RNF19A: variants seen among roughly 807,000 people sequenced by gnomAD.
RNF19A encodes E3 ubiquitin-protein ligase RNF19A.
RNF19A carries 32 observed loss-of-function variants against 75.7 expected under a neutral mutation model. The ratio of observed to expected loss-of-function variants is 0.42; its 90% CI spans 0.32 to 0.57. The LOEUF is 0.57. Ranked by LOEUF, RNF19A falls within the 20% of genes least tolerant of loss-of-function variation. The pLI, the probability that RNF19A is intolerant of heterozygous loss-of-function variation, is 0.10. For synonymous variants in RNF19A, 335 were observed against 345.2 expected (o/e 0.97, Z 0.33); for missense variants, 782 against 1,036.3 (o/e 0.75, Z 3.37).
chr8:100,258,773 C>G lies in RNF19A; in HGVS notation c.2300G>C (p.Arg767Pro), dbSNP rs761340979. 1 of 1,614,044 alleles carries G rather than the reference C, an allele frequency of 6.2e-7. No homozygotes were observed. The highest frequency in any genetic ancestry group is 8.5e-7 in the Non-Finnish European group (1 of 1,180,036). The change falls in exon 10 of 10, where the codon CGT becomes CCT. Residue 767 changes from arginine to proline, a missense_variant. By Grantham distance (103) the Arg-to-Pro change is moderately radical. Transcript: ENST00000341084. This position sits in a 1 kb window ranked among gnomAD's most constrained non-coding sequence, Gnocchi z 4.3. The stretch of plus-strand genomic sequence containing the variant: ...ACACTGATGTGGGGAATTTTCCAGA[C>G]GGTCATTTTCTACCTCAGGAAGAAT... ...VNILPEVEND[R>P]LENSPHQCSI... is the part of the protein sequence containing the mutation.
chr8:100,323,495 T>G lies in RNF19A; in HGVS notation c.-242-10123A>C, dbSNP rs1274770836. Among the ~76,000 whole-genome samples, 1 of 152,230 alleles carries G rather than the reference T, an allele frequency of 6.6e-6. No homozygotes were observed. Among genetic ancestry groups the G allele is most frequent in the African/African-American group, 2.4e-5 (1 of 41,460 alleles). On this transcript the variant is annotated intron_variant, in intron 1 of 3. Transcript: ENST00000519527. The surrounding 1 kb of genome is among the most constrained non-coding windows in gnomAD (Gnocchi z 4.6). ...ACCCTTCTTTTCTGCCATCCATTCT[T>G]AGAATTGTCACATTAACTGCACGTA...
rs11996396 is a variant in RNF19A at position 100,287,127 on chromosome 8, C to T, written c.674+374G>A. ...CAAAGAGAAAAAAAATAAAGAAGGTCATTTGAATTTATGACCACAAATAAC... is the reference window on the plus strand; with the variant it reads ...CAAAGAGAAAAAAAATAAAGAAGGTTATTTGAATTTATGACCACAAATAAC... On this transcript the variant is annotated intron_variant, in intron 2 of 9. Transcript: ENST00000341084. This position sits in a 1 kb window ranked among gnomAD's most constrained non-coding sequence, Gnocchi z 4.1. Among the ~76,000 whole-genome samples, 8,882 of 152,114 alleles carry T rather than the reference C, an allele frequency of 0.058. 867 individuals carry two copies. Among genetic ancestry groups the T allele is most frequent in the African/African-American group, 0.2 (8,297 of 41,470 alleles).
At chr8:100,282,078 T>G (rs1486622407) in intron 2 of RNF19A, among the ~76,000 whole-genome samples, 1 of 152,184 alleles carries the variant, frequency 6.6e-6, no homozygotes. Context: ...GTTGGGGAAG[T>G]CTGTCCAATT....
chr8:100,278,160 A>G (rs1215198618), intron 2 of RNF19A, among the ~76,000 whole-genome samples: 1 of 152,268 alleles, frequency 6.6e-6, no homozygotes, highest in Non-Finnish European at 1.5e-5. Context: ...TAGCCTCAGT[A>G]TTCAGCCAAA....
chr8:100,258,910 T>G lies in RNF19A; in HGVS notation c.2163A>C (p.Ala721=), dbSNP rs1157733992. 6.2e-7 allele frequency: 1 copy of G among 1,614,230 alleles called. No individual in the cohort carries two copies. ...PSLSDSMPSV[A]DSHSSHFSEF... Reference sequence around the variant, plus strand: ...CAGAAAAATGACTAGAGTGAGAATCTGCTACAGAAGGCATACTGTCACTGA... The same window carrying G: ...CAGAAAAATGACTAGAGTGAGAATCGGCTACAGAAGGCATACTGTCACTGA... Residue 721 remains alanine (A), a synonymous_variant, in exon 10 of 10, where the codon GCA becomes GCC. Transcript: ENST00000341084. This position sits in a 1 kb window ranked among gnomAD's most constrained non-coding sequence, Gnocchi z 4.3.
At chr8:100,265,077 G>A (rs865943719) in intron 5 of RNF19A, among the ~76,000 whole-genome samples, 2 of 152,068 alleles carry the variant, frequency 1.3e-5, no homozygotes, top group Admixed American at 6.6e-5. Flanking sequence ...ATTATGTATC[G>A]AGCAAAGAGG....
At chr8:100,319,805 C>T (rs1347479062) in intron 1 of RNF19A, among the ~76,000 whole-genome samples, 1 of 150,714 alleles carries the variant, frequency 6.6e-6, no homozygotes, top group East Asian at 1.9e-4. Flanking sequence ...GCTGGGATTA[C>T]AGGCGTGAGC....
At chr8:100,315,649 C>CTTGTTG (rs573063443) in intron 1 of RNF19A, among the ~76,000 whole-genome samples, 4 of 151,836 alleles carry the variant, frequency 2.6e-5, no homozygotes, top group Admixed American at 6.6e-5. Context: ...TCTTCGTCGT[C>CTTGTTG]TTGTTGTTGT....
rs1822512493 is a variant in RNF19A at position 100,324,913 on chromosome 8, T to G, written c.-243+11195A>C. On this transcript the variant is annotated intron_variant, in intron 1 of 3. Transcript: ENST00000519527. This position sits in a 1 kb window ranked among gnomAD's most constrained non-coding sequence, Gnocchi z 4.2. ...TCTCTCTCTCTCTTTCTCTCTTTCT[T>G]TCTTTCTTTTCTTGATAGAGTCTCA... 6.6e-6 allele frequency among the ~76,000 whole-genome samples: 1 copy of G among 151,490 alleles called. No individual in the cohort carries two copies. Among genetic ancestry groups the G allele is most frequent in the Non-Finnish European group, 1.5e-5 (1 of 67,890 alleles).
chr8:100,296,792 CAGTT>C (rs1821585205), intron 1 of RNF19A, among the ~76,000 whole-genome samples: 1 of 149,350 alleles, frequency 6.7e-6, no homozygotes, highest in African/African-American at 2.6e-5. Flanking sequence ...ATTATAACCT[CAGTT>C]AGAAAATAAT....
rs148733973 is a variant in RNF19A, at chr8:100,289,403, A to G, written c.-93-1136T>C. On this transcript the variant is annotated intron_variant, in intron 1 of 9. Transcript: ENST00000341084. ...CAGACAGTATTAAGGGTATGGGAGG[A>G]GACTTTTGCCACATATAACTAATAA... 2.6e-5 allele frequency among the ~76,000 whole-genome samples: 4 copies of G among 152,362 alleles called. No individual in the cohort carries two copies. The East Asian group carries it at 7.7e-4, about 29-fold the overall frequency.
intron 2 of RNF19A, among the ~76,000 whole-genome samples, chr8:100,286,118 G>A (rs1821005439): frequency 6.6e-6 from 1 of 152,096 alleles, no homozygotes; most frequent in South Asian, 2.1e-4. Flanking sequence ...TGGGATCAAG[G>A]GCGATTCAAT....
chr8:100,291,989 T>TTC (rs1821319860), intron 1 of RNF19A, among the ~76,000 whole-genome samples: 1 of 127,294 alleles, frequency 7.9e-6, no homozygotes, highest in Non-Finnish European at 1.6e-5. Flanking sequence ...TTTTTTTTTT[T>TTC]CAAGTAAAGA....
chr8:100,316,813 G>A (rs1309797251), intron 1 of RNF19A, among the ~76,000 whole-genome samples: 1 of 152,218 alleles, frequency 6.6e-6, no homozygotes, highest in Non-Finnish European at 1.5e-5. Context: ...ATTGGCTGCC[G>A]TGGAGCAGGG....
At chr8:100,311,717 C>CAAAAA (rs55695585), upstream of RNF19A, among the ~76,000 whole-genome samples, 2 of 89,938 alleles carry the variant, frequency 2.2e-5, no homozygotes, top group East Asian at 2.9e-4. Flanking sequence ...GACTCCGTCT[C>CAAAAA]AAAAAAAAAA....
At chr8:100,294,468 C>G (rs902541518) in intron 1 of RNF19A, among the ~76,000 whole-genome samples, 4 of 152,162 alleles carry the variant, frequency 2.6e-5, no homozygotes, top group Admixed American at 2.6e-4. Flanking sequence ...CTCCCAAGCA[C>G]AGTTCTAGGG....
rs1192051756 is a variant in RNF19A at position 100,260,696 on chromosome 8, T to TA, written c.1683-700dup. ...TAATTCATGTATTCTCCCCTACACT[T>TA]AAAAAAAGCAAGGCTAATAAGCCTA... On this transcript the variant is annotated intron_variant, in intron 8 of 9. Transcript: ENST00000341084. The surrounding 1 kb of genome is among the most constrained non-coding windows in gnomAD (Gnocchi z 4.1). 1.3e-5 allele frequency among the ~76,000 whole-genome samples: 2 copies of TA among 152,096 alleles called. No homozygotes were observed. The highest frequency in any genetic ancestry group is 6.5e-5 in the Admixed American group (1 of 15,274).
At chr8:100,321,990 CT>C (rs34698535) in intron 1 of RNF19A, among the ~76,000 whole-genome samples, 70,213 of 150,912 alleles carry the variant, frequency 0.47, 17,199 homozygotes, top group African/African-American at 0.64. Context: ...TAGCAAAATT[CT>C]TTTTTTTTTC....
At chr8:100,272,309 TA>T (rs1429217122) in intron 3 of RNF19A, among the ~76,000 whole-genome samples, 1 of 152,118 alleles carries the variant, frequency 6.6e-6, no homozygotes, top group African/African-American at 2.4e-5. Flanking sequence ...TGTATTATTT[TA>T]TAAACACAAA....
Sources: gnomAD v4.1 joint callset for allele counts (sites outside exome capture counted in the v4.1 genomes callset) on GRCh38, gnomAD v4.1.1 for gene constraint, Gnocchi (gnomAD v3.1) non-coding constraint, MANE v1.5 for transcripts, NCBI Gene and HGNC (gene_info 2026-07-23, HGNC 2026-07-21) for gene names.